Variants in GOLM1 observed in about 807,000 individuals in gnomAD.
GOLM1 encodes the protein golgi membrane protein 1.
A neutral mutation model predicts 50.5 loss-of-function variants in GOLM1; 31 were observed. The ratio of observed to expected loss-of-function variants is 0.61; its 90% confidence interval spans 0.46 to 0.83. The LOEUF is 0.83. GOLM1 is among the 40% of genes least tolerant of loss of function. GOLM1 has a pLI of 0.00. For missense variants in GOLM1, 491 were observed against 501.3 expected, an observed-to-expected ratio of 0.98 and a Z score of 0.20; for synonymous variants, 178 against 192.8, an observed-to-expected ratio of 0.92 and a Z score of 0.64.
At chr9:86,051,246 T>C (rs11141196) in intron 4 of GOLM1, among the ~76,000 whole-genome samples, 5,841 of 152,290 alleles carry the variant, frequency 0.038, 486 homozygotes, top group East Asian at 0.37. Flanking sequence ...TTATAATTGC[T>C]GTTCTTTTAC....
chr9:86,070,595 G>A (rs1030255538), intron 3 of GOLM1, among the ~76,000 whole-genome samples: 3 of 151,742 alleles, frequency 2.0e-5, no homozygotes, highest in Non-Finnish European at 4.4e-5. Flanking sequence ...AAAAAAACCT[G>A]ATTATTCTCT....
chr9:86,048,792 G>A (rs1293821295), intron 4 of GOLM1, among the ~76,000 whole-genome samples: 1 of 152,072 alleles, frequency 6.6e-6, no homozygotes, highest in Non-Finnish European at 1.5e-5. Context: ...TGTCAGATAG[G>A]TAGATTCAAA....
At position 86,037,770 on chromosome 9, in the gene GOLM1, C is replaced by T. The variant is rs559226028; in HGVS notation, c.598-1263G>A. Among the ~76,000 whole-genome samples, 18 of 152,264 alleles carry T rather than the reference C, an allele frequency of 1.2e-4. No individual in the cohort carries two copies. The South Asian group carries it at 3.7e-3, about 32-fold the overall frequency. ...GCTCACCAGGACAGGCTTGGGCAGA[C>T]ATCACCACGGGAACTGGTGTCAGGG... On this transcript the variant is annotated intron_variant, in intron 6 of 9. Coordinates refer to ENST00000388712, the MANE Select transcript of GOLM1 (RefSeq NM_016548.4).
chr9:86,071,622 G>A (rs972913409), intron 3 of GOLM1, among the ~76,000 whole-genome samples: 2 of 151,704 alleles, frequency 1.3e-5, no homozygotes, highest in African/African-American at 4.8e-5. Context: ...GCAGTGAGCC[G>A]AGATCGTGCC....
intron 3 of GOLM1, among the ~76,000 whole-genome samples, chr9:86,064,859 C>A (rs533861867): frequency 6.6e-6 from 1 of 152,220 alleles, no homozygotes; most frequent in African/African-American, 2.4e-5. Context: ...CGGTTCCACA[C>A]GCCTTTTGCT....
intron 1 of GOLM1, among the ~76,000 whole-genome samples, chr9:86,091,860 CTCTTT>C (rs1835195678): frequency 6.6e-6 from 1 of 152,212 alleles, no homozygotes; most frequent in South Asian, 2.1e-4. Context: ...ATTTAATATT[CTCTTT>C]TCTTTAAACA....
intron 3 of GOLM1, among the ~76,000 whole-genome samples, 178 bp from the exon 4 acceptor site, chr9:86,052,769 G>A (rs1011744678): frequency 5.3e-5 from 8 of 152,056 alleles, no homozygotes; most frequent in South Asian, 2.1e-4. Flanking sequence ...GGAACAGGCC[G>A]ACCTAGAGAT....
At chr9:86,031,569 C>A (rs964875873) in intron 9 of GOLM1, among the ~76,000 whole-genome samples, 65 of 146,224 alleles carry the variant, frequency 4.4e-4, no homozygotes, top group African/African-American at 1.6e-3. Context: ...TCACGCGATT[C>A]TCCTGTCTCA....
At chr9:86,045,140 G>A (rs1833494798) in intron 5 of GOLM1, among the ~76,000 whole-genome samples, 1 of 152,032 alleles carries the variant, frequency 6.6e-6, no homozygotes, top group African/African-American at 2.4e-5. Context: ...GGAGGCTGAG[G>A]CAGGCAGATC....
chr9:86,087,297 T>C (rs1022067798), intron 1 of GOLM1, among the ~76,000 whole-genome samples: 2 of 152,248 alleles, frequency 1.3e-5, no homozygotes, highest in African/African-American at 4.8e-5. Context: ...ATTGATTTTG[T>C]ATCCTGAGAC....
upstream of GOLM1, chr9:86,100,144 G>A (rs1461755471): frequency 6.6e-6 from 1 of 152,230 alleles, no homozygotes; most frequent in East Asian, 1.9e-4. Flanking sequence ...CGGAAAAAGT[G>A]AAGATTCCCG....
intron 1 of GOLM1, among the ~76,000 whole-genome samples, chr9:86,098,975 C>T (rs1835441315): frequency 6.6e-6 from 1 of 152,228 alleles, no homozygotes; most frequent in Non-Finnish European, 1.5e-5. Flanking sequence ...GAGAGACTCG[C>T]GGCTCGGCCA....
In GOLM1 at chr9:86,090,786, CAAAAAA is replaced by C. The variant is rs776381865; in HGVS notation, c.-22+8619_-22+8624del. ...GGCGTTCCAAGTGCCACTGGGGTAC[CAAAAAA>C]AAAAAAAAAAAAAAAAAAAAAACTC... On this transcript the variant is annotated intron_variant, in intron 1 of 9. Coordinates refer to ENST00000388712, the MANE Select transcript of GOLM1 (RefSeq NM_016548.4). Among the ~76,000 whole-genome samples the C allele has an allele frequency of 3.5e-3, 146 of 41,298 alleles. 1 individual carries two copies. The highest frequency in any genetic ancestry group is 1.0e-2 in the African/African-American group (134 of 13,410). The allele number at this position is 41,298 out of a possible 152,430, so 27.1% of individuals were successfully genotyped here.
intron 9 of GOLM1, among the ~76,000 whole-genome samples, chr9:86,029,319 T>G (rs1364504077): frequency 1.3e-5 from 2 of 152,132 alleles, no homozygotes; most frequent in Non-Finnish European, 2.9e-5. Flanking sequence ...ATTTTAAATA[T>G]AATCACCACG....
chr9:86,089,754 T>C (rs1380648064), intron 1 of GOLM1, among the ~76,000 whole-genome samples: 1 of 152,202 alleles, frequency 6.6e-6, no homozygotes, highest in African/African-American at 2.4e-5. Context: ...AGCCTACTTC[T>C]GTCAGTTCAT....
At chr9:86,035,866 C>CAAAAAAAAAAAAAAAAAAAA (rs1276980708) in intron 7 of GOLM1, among the ~76,000 whole-genome samples, 2 of 46,738 alleles carry the variant, frequency 4.3e-5, no homozygotes, top group South Asian at 7.2e-4. Flanking sequence ...AGTAGCTTAC[C>CAAAAAAAAAAAAAAAAAAAA]AAAAAAAAAA....
chr9:86,081,876 G>A (rs181836278), intron 1 of GOLM1, among the ~76,000 whole-genome samples: 164 of 149,172 alleles, frequency 1.1e-3, no homozygotes, highest in Non-Finnish European at 2.0e-3. Context: ...GCGACAGAGC[G>A]AGACTCTGAT....
chr9:86,090,962 C>T (rs1336685887), intron 1 of GOLM1, among the ~76,000 whole-genome samples: 9 of 152,134 alleles, frequency 5.9e-5, no homozygotes, highest in African/African-American at 1.9e-4. Flanking sequence ...GGCCAGAGTG[C>T]ACTGTCCCTC....
At chr9:86,084,147 G>T (rs1339929932) in intron 1 of GOLM1, among the ~76,000 whole-genome samples, 1 of 152,166 alleles carries the variant, frequency 6.6e-6, no homozygotes, top group Admixed American at 6.5e-5. Flanking sequence ...ACAGGGGCTC[G>T]TATCAGCTTT....
Sources: gnomAD v4.1 joint callset for allele counts (sites outside exome capture counted in the v4.1 genomes callset) on GRCh38, gnomAD v4.1.1 for gene constraint, MANE v1.5 for transcripts, NCBI Gene and HGNC (gene_info 2026-07-23, HGNC 2026-07-21) for gene names.